The following ZNF317 variants were observed in gnomAD, a reference collection of about 807,000 sequenced individuals.
The protein encoded by ZNF317 is zinc finger protein 317, also known as KRAB-containing zinc finger protein 317.
ZNF317 carries 17 observed loss-of-function variants against 23.4 expected under a neutral mutation model. The observed-to-expected ratio is 0.73, with a 90% CI of 0.50 to 1.09. ZNF317 has a LOEUF of 1.09. Among genes scored for constraint, ZNF317 ranks in the 50% least tolerant of loss-of-function variants. The pLI, the probability that ZNF317 is intolerant of heterozygous loss-of-function variation, is 0.00. For synonymous variants in ZNF317, 317 were observed against 314.9 expected (o/e 1.01, Z -0.07); for missense variants, 679 against 796.7 (o/e 0.85, Z 1.78).
At chr19:9,142,200 A>G (rs968121295) in intron 1 of ZNF317, among the ~76,000 whole-genome samples, 2 of 152,352 alleles carry the variant, frequency 1.3e-5, no homozygotes, top group African/African-American at 2.4e-5. Flanking sequence ...AGAAAAGTCT[A>G]ACTTTTGTGT....
At position 9,160,390 on chromosome 19, in the gene ZNF317, C is replaced by G. The variant is rs200074666; in HGVS notation, c.745C>G (p.Pro249Ala). 1.4e-5 allele frequency: 22 copies of G among 1,614,210 alleles called. No homozygotes were observed. The East Asian group carries it at 3.1e-4, about 23-fold the overall frequency. Reference protein sequence around the residue: ...RHRRIHTGEKPYECSDCGKAF... With the variant: ...RHRRIHTGEKAYECSDCGKAF... The stretch of plus-strand genomic sequence containing the variant: ...CAGGAGAATCCACACCGGGGAGAAG[C>G]CTTACGAGTGCAGCGACTGCGGGAA... Residue 249 changes from proline (P) to alanine (A), a missense_variant, in exon 7 of 7, where the codon CCT becomes GCT. Coordinates refer to ENST00000247956, the MANE Select transcript of ZNF317 (RefSeq NM_020933.5). This position sits in a 1 kb window ranked among gnomAD's most constrained non-coding sequence, Gnocchi z 6.8.
chr19:9,141,621 A>G (rs768746814), intron 1 of ZNF317, among the ~76,000 whole-genome samples: 2 of 152,202 alleles, frequency 1.3e-5, no homozygotes, highest in African/African-American at 2.4e-5. Context: ...CAGGAATGTC[A>G]TGGCTTAAAT....
At chr19:9,157,513 C>T in intron 4 of ZNF317, 119 bp downstream of exon 4, 2 of 1,349,774 alleles carry the variant, frequency 1.5e-6, no homozygotes, top group Non-Finnish European at 2.0e-6. Context: ...CAAGCAGCCC[C>T]AGCACCCATG....
chr19:9,161,560 G>T lies in ZNF317; in HGVS notation c.*127G>T, dbSNP rs1011077186. On this transcript the variant is annotated 3_prime_UTR_variant, in exon 7 of 7. Coordinates refer to ENST00000247956, the MANE Select transcript of ZNF317 (RefSeq NM_020933.5). The surrounding 1 kb of genome is among the most constrained non-coding windows in gnomAD (Gnocchi z 4.0). ...ATCCACGGAACTTGGGAGAAGTCCAGTTCCTGTAAAAACTGGGAAGACGAG... is the reference window on the plus strand; with the variant it reads ...ATCCACGGAACTTGGGAGAAGTCCATTTCCTGTAAAAACTGGGAAGACGAG... The T allele has an allele frequency of 2.2e-4, 311 of 1,415,940 alleles. No homozygotes were observed. Among genetic ancestry groups the T allele is most frequent in the Non-Finnish European group, 2.7e-4 (284 of 1,055,208 alleles). The allele number at this position is 1,415,940 out of a possible 1,614,324, so 87.7% of individuals were successfully genotyped here.
rs2050843433 is a variant in ZNF317 at position 9,160,806 on chromosome 19, G to A, written c.1161G>A (p.Glu387=). ...FNLHKKNHMV[E]KTYECKECGK... is the part of the protein sequence containing the mutation. ...TGCACAAGAAGAACCACATGGTGGA[G>A]AAGACCTACGAATGTAAAGAATGCG... is the stretch of plus-strand genomic sequence containing the variant. Residue 387 remains glutamate (E), a synonymous_variant, in exon 7 of 7, where the codon GAG becomes GAA. Transcript: ENST00000247956. The surrounding 1 kb of genome is among the most constrained non-coding windows in gnomAD (Gnocchi z 6.8). 1.2e-6 allele frequency: 2 copies of A among 1,614,196 alleles called. No homozygotes were observed. The highest frequency in any genetic ancestry group is 1.7e-6 in the Non-Finnish European group (2 of 1,180,036).
intron 1 of ZNF317, among the ~76,000 whole-genome samples, chr19:9,145,610 C>G (rs946705481): frequency 1.3e-4 from 20 of 152,292 alleles, no homozygotes; most frequent in Admixed American, 3.3e-4. Flanking sequence ...GATTTTATCT[C>G]TCTTCAATCT....
In ZNF317 at chr19:9,156,056, C is replaced by T. The variant is rs2050778986; in HGVS notation, c.25+15C>T. 1.9e-6 allele frequency: 3 copies of T among 1,614,098 alleles called. No homozygotes were observed. Among genetic ancestry groups the T allele is most frequent in the Non-Finnish European group, 2.5e-6 (3 of 1,180,022 alleles). On this transcript the variant is annotated intron_variant, in intron 2 of 6. Coordinates refer to ENST00000247956, the MANE Select transcript of ZNF317 (RefSeq NM_020933.5). The stretch of plus-strand genomic sequence containing the variant: ...CCCCACATTTGGTAAGTTCTTGGGT[C>T]AGTGCGTGCCCTGAGAAAGTGAGTG...
intron 1 of ZNF317, among the ~76,000 whole-genome samples, chr19:9,151,971 A>G (rs1404304942): frequency 1.4e-5 from 2 of 146,768 alleles, no homozygotes; most frequent in Non-Finnish European, 3.0e-5. Flanking sequence ...CAGTGGCGCA[A>G]TCTCGGCTCA....
chr19:9,156,034 C>T lies in ZNF317; in HGVS notation c.18C>T (p.Pro6=). The change falls in exon 2 of 7, where the codon CCC becomes CCT. Residue 6 remains proline (P), a synonymous_variant. Transcript: ENST00000247956. MAALS[P]TFATSTQDST... is the part of the protein sequence containing the mutation. ...CTCTGAGGATGGCAGCTCTGTCCCC[C>T]ACATTTGGTAAGTTCTTGGGTCAGT... The T allele has an allele frequency of 6.2e-7, 1 of 1,614,150 alleles. No homozygotes were observed. The highest frequency in any genetic ancestry group is 8.5e-7 in the Non-Finnish European group (1 of 1,180,018).
At position 9,161,410 on chromosome 19, in the gene ZNF317, T is replaced by A; in HGVS notation, c.1765T>A (p.Ser589Thr). The part of the protein sequence containing the change: ...THRGEKLFVS[S>T]VWKRLQ ...CCGGGGAGAGAAGCTCTTTGTGTCA[T>A]CCGTGTGGAAAAGGCTCCAGTGAGC... Residue 589 changes from serine (S) to threonine (T), a missense_variant, in exon 7 of 7, where the codon TCC becomes ACC. By Grantham distance (58) the Ser-to-Thr change is moderately conservative. Transcript: ENST00000247956. This position sits in a 1 kb window ranked among gnomAD's most constrained non-coding sequence, Gnocchi z 4.0. 1 of 1,612,866 alleles carries A rather than the reference T, an allele frequency of 6.2e-7. No individual in the cohort carries two copies. Among genetic ancestry groups the A allele is most frequent in the Non-Finnish European group, 8.5e-7 (1 of 1,179,002 alleles).
Position 9,162,135 on chromosome 19 carries a change from C to T in ZNF317, c.*702C>T, listed in dbSNP as rs2050865249. 1 of 152,138 alleles carries T rather than the reference C, an allele frequency of 6.6e-6. No individual in the cohort carries two copies. The highest frequency in any genetic ancestry group is 1.5e-5 in the Non-Finnish European group (1 of 68,044). The allele number at this position is 152,138 out of a possible 1,614,324, so 9.4% of individuals were successfully genotyped here. On this transcript the variant is annotated 3_prime_UTR_variant, in exon 7 of 7. Coordinates refer to ENST00000247956, the MANE Select transcript of ZNF317 (RefSeq NM_020933.5). ...GGTTCTCAGTCGGGCGACGATTTGG[C>T]TGTCTAGGCGTCATTTGGCAATGTC...
Position 9,157,698 on chromosome 19 carries a change from TTTTTA to T in ZNF317, c.290-277_290-273del, listed in dbSNP as rs2050800325. ...TCCTATTTCTTTTTTTTTTTTTTTT[TTTTTA>T]TTTTTGGTGATGAAGGGTTCTCACT... On this transcript the variant is annotated intron_variant, in intron 4 of 6. Transcript: ENST00000247956. 22 of 435,648 alleles carry T rather than the reference TTTTTA, an allele frequency of 5.0e-5. No individual in the cohort carries two copies. In the African/African-American group the frequency reaches 7.5e-4, roughly 15 times the overall value. 27.0% of individuals were successfully genotyped at this position (435,648 alleles called of 1,614,324 possible). A position where few individuals can be genotyped will look rare whatever the true frequency, so the allele number is the denominator to read the frequency against.
At chr19:9,154,549 G>C (rs144391635) in intron 1 of ZNF317, among the ~76,000 whole-genome samples, 156 of 152,154 alleles carry the variant, frequency 1.0e-3, no homozygotes, top group African/African-American at 3.6e-3. Flanking sequence ...TAGTGTGTCT[G>C]CATAGTTTCT....
intron 4 of ZNF317, chr19:9,157,686 T>C (rs879844891): frequency 1.4e-5 from 6 of 431,382 alleles, no homozygotes; most frequent in South Asian, 7.1e-5. Context: ...TATTTCTTTT[T>C]TTTTTTTTTT....
chr19:9,149,369 G>C (rs1435190223), intron 1 of ZNF317, among the ~76,000 whole-genome samples: 1 of 152,076 alleles, frequency 6.6e-6, no homozygotes, highest in East Asian at 1.9e-4. Flanking sequence ...CTACTTGGGA[G>C]CCTGAGGCGG....
Position 9,158,857 on chromosome 19 carries a change from A to C in ZNF317, c.417A>C (p.Ser139=). The change falls in exon 6 of 7, where the codon TCA becomes TCC. Residue 139 remains serine, a synonymous_variant. Coordinates refer to ENST00000247956, the MANE Select transcript of ZNF317 (RefSeq NM_020933.5). ...DWETPSKTKW[S]LLMEDIFGKE... is the part of the protein sequence containing the mutation. ...AGACTCCATCTAAAACCAAGTGGTC[A>C]CTTCTTATGGAAGATATTTTTGGGA... 3 of 1,612,868 alleles carry C rather than the reference A, an allele frequency of 1.9e-6. No homozygotes were observed. The highest frequency in any genetic ancestry group is 2.5e-6 in the Non-Finnish European group (3 of 1,178,862).
At chr19:9,152,332 T>C (rs2050742818) in intron 1 of ZNF317, among the ~76,000 whole-genome samples, 1 of 152,196 alleles carries the variant, frequency 6.6e-6, no homozygotes, top group Admixed American at 6.5e-5. Flanking sequence ...ATCTAGAGCA[T>C]TGATCCCCAA....
At chr19:9,159,552 G>GT (rs372250094) in intron 6 of ZNF317, among the ~76,000 whole-genome samples, 4,064 of 134,480 alleles carry the variant, frequency 0.03, 78 homozygotes, top group Non-Finnish European at 0.039. Context: ...TTTGTTTTTT[G>GT]TTTTTTTTTT....
At position 9,161,348 on chromosome 19, in the gene ZNF317, G is replaced by A; in HGVS notation, c.1703G>A (p.Ser568Asn). 1 of 1,614,226 alleles carries A rather than the reference G, an allele frequency of 6.2e-7. No individual in the cohort carries two copies. The highest frequency in any genetic ancestry group is 8.5e-7 in the Non-Finnish European group (1 of 1,180,048). Residue 568 changes from serine (S) to asparagine (N), a missense_variant, in exon 7 of 7, where the codon AGC (serine) becomes AAC (asparagine). Transcript: ENST00000247956. The surrounding 1 kb of genome is among the most constrained non-coding windows in gnomAD (Gnocchi z 4.0). ...YECLVCGKAF[S>N]DHSSLRSHVK... ...TGCCTTGTCTGCGGGAAAGCCTTCA[G>A]CGACCACTCATCCCTCAGGAGCCAC...
Sources: allele counts gnomAD v4.1 joint callset (sites outside exome capture counted in the v4.1 genomes callset), GRCh38; gene constraint gnomAD v4.1.1; non-coding constraint Gnocchi (gnomAD v3.1); transcripts MANE v1.5; gene names NCBI Gene and HGNC (gene_info 2026-07-23, HGNC 2026-07-21).